Variants in NLGN4X observed in about 807,000 individuals in gnomAD.
NLGN4X encodes neuroligin-4, X-linked.
NLGN4X carries 3 observed loss-of-function variants against 40.3 expected under a neutral mutation model. That is an observed-to-expected ratio of 0.07 (90% CI 0.03 to 0.19). The LOEUF (loss-of-function observed/expected upper bound fraction) is 0.19. Among genes scored for constraint, NLGN4X ranks in the 10% least tolerant of loss-of-function variants. The pLI is 1.00. For synonymous variants in NLGN4X, 270 were observed against 306.8 expected (o/e 0.88, Z 1.25); for missense variants, 382 against 708.3 (o/e 0.54, Z 5.23).
chrX:5,953,140 G>C (rs2034372288), intron 3 of NLGN4X, among the ~76,000 whole-genome samples: 1 of 110,964 alleles, frequency 9.0e-6, no homozygotes, highest in African/African-American at 3.3e-5. Context: ...GGAGGACAAG[G>C]CAGGGGGATC....
At chrX:6,084,573 C>T (rs765513410) in intron 2 of NLGN4X, among the ~76,000 whole-genome samples, 10 of 111,552 alleles carry the variant, frequency 9.0e-5, no homozygotes, top group South Asian at 7.5e-4. Context: ...CCTTTGACCC[C>T]GATGAGGAGA....
At chrX:5,941,393 C>T (rs971212610) in intron 3 of NLGN4X, among the ~76,000 whole-genome samples, 3 of 111,373 alleles carry the variant, frequency 2.7e-5, no homozygotes, top group Non-Finnish European at 5.6e-5. Flanking sequence ...CAACTGAACT[C>T]TTCCTACGGA....
chrX:6,004,698 T>C (rs1186473186), intron 3 of NLGN4X, among the ~76,000 whole-genome samples: 1 of 112,108 alleles, frequency 8.9e-6, no homozygotes, highest in African/African-American at 3.2e-5. Context: ...GGTAGGGTTT[T>C]AGAAGCCGGA....
chrX:6,064,457 T>A (rs878948966), intron 2 of NLGN4X, among the ~76,000 whole-genome samples: 1 of 111,859 alleles, frequency 8.9e-6, no homozygotes, highest in Non-Finnish European at 1.9e-5. Context: ...AGAATTTCCA[T>A]TGTGAAAAAC....
intron 2 of NLGN4X, among the ~76,000 whole-genome samples, chrX:6,095,102 C>CAT: frequency 1.1e-5 from 1 of 88,366 alleles, no homozygotes; most frequent in East Asian, 3.9e-4. Flanking sequence ...TACGTGCGTG[C>CAT]GTGTGTGTGT....
intron 3 of NLGN4X, among the ~76,000 whole-genome samples, chrX:5,994,016 C>T (rs1013543343): frequency 3.6e-5 from 4 of 111,974 alleles, no homozygotes; most frequent in African/African-American, 9.7e-5. Context: ...CCACCAGCCA[C>T]GCAAGAAGTT....
intron 3 of NLGN4X, among the ~76,000 whole-genome samples, chrX:5,972,509 A>G (rs144855100): frequency 0.012 from 1,314 of 111,390 alleles, 19 homozygotes; most frequent in African/African-American, 0.04. Flanking sequence ...GTTGTCACTA[A>G]AAGTTCTAAA....
At chrX:6,058,476 T>C (rs1291228529) in intron 2 of NLGN4X, among the ~76,000 whole-genome samples, 2 of 112,481 alleles carry the variant, frequency 1.8e-5, no homozygotes, top group Non-Finnish European at 3.8e-5. Flanking sequence ...AAATCTTCTA[T>C]TGAGATCCTT....
intron 2 of NLGN4X, among the ~76,000 whole-genome samples, chrX:6,085,432 G>A (rs994053627): frequency 2.7e-5 from 3 of 111,768 alleles, no homozygotes; most frequent in Non-Finnish European, 5.6e-5. Context: ...AGGTGGTCGT[G>A]TAATGGAGCT....
intron 3 of NLGN4X, among the ~76,000 whole-genome samples, chrX:5,926,934 T>TA (rs1555921578): frequency 2.1e-5 from 2 of 96,869 alleles, no homozygotes; most frequent in Non-Finnish European, 4.1e-5. Flanking sequence ...TCTCTATATC[T>TA]TCTATCTATC....
At chrX:6,064,697 C>T (rs2037862341) in intron 2 of NLGN4X, among the ~76,000 whole-genome samples, 1 of 111,028 alleles carries the variant, frequency 9.0e-6, no homozygotes, top group Non-Finnish European at 1.9e-5. Context: ...ATCAGGAGAT[C>T]GAGGCAAAGT....
At chrX:5,998,729 GA>G (rs1181071667) in intron 3 of NLGN4X, among the ~76,000 whole-genome samples, 1 of 112,151 alleles carries the variant, frequency 8.9e-6, no homozygotes, top group African/African-American at 3.2e-5. Flanking sequence ...AAAAAAAGAG[GA>G]AAAAAAGATC....
Position 5,891,323 on chromosome X carries a change from A to C in NLGN4X, c.*1494T>G. ...TCCTTTCTTCCCCCATTCTTCTATA[A>C]TATTCACCGTTTGGTGACCGGATAC... is the stretch of plus-strand genomic sequence containing the variant. On this transcript the variant is annotated 3_prime_UTR_variant, in exon 6 of 6. Transcript: ENST00000381095. 4.4e-6 allele frequency: 1 copy of C among 228,959 alleles called. No individual in the cohort carries two copies. Among genetic ancestry groups the C allele is most frequent in the Non-Finnish European group, 7.9e-6 (1 of 126,343 alleles). 18.9% of individuals were successfully genotyped at this position (228,959 alleles called of 1,213,427 possible). A position where few individuals can be genotyped will look rare whatever the true frequency, so the allele number is the denominator to read the frequency against.
At chrX:6,196,657 T>A (rs1923118869) in intron 1 of NLGN4X, among the ~76,000 whole-genome samples, 1 of 108,424 alleles carries the variant, frequency 9.2e-6, no homozygotes, top group South Asian at 4.1e-4. Flanking sequence ...TTCTGCCTAG[T>A]AGGAGTGTGT....
chrX:5,932,440 G>GCT (rs2033579600), intron 3 of NLGN4X, among the ~76,000 whole-genome samples: 1 of 110,443 alleles, frequency 9.1e-6, no homozygotes, highest in Non-Finnish European at 1.9e-5. Context: ...GGTACCAAAC[G>GCT]CTCTCTCTCA....
intron 5 of NLGN4X, among the ~76,000 whole-genome samples, 175 bp downstream of exon 5, chrX:5,902,902 A>G (rs550038021): frequency 8.9e-6 from 1 of 112,034 alleles, no homozygotes; most frequent in East Asian, 2.8e-4. Context: ...GTTGGGGGAG[A>G]AGCTGCCTGT....
intron 3 of NLGN4X, among the ~76,000 whole-genome samples, chrX:5,988,354 T>C (rs2035586791): frequency 8.9e-6 from 1 of 112,252 alleles, no homozygotes; most frequent in South Asian, 3.7e-4. Context: ...TCTAAGTGTC[T>C]ACACCAATTG....
At chrX:5,963,454 T>C (rs2034726660) in intron 3 of NLGN4X, among the ~76,000 whole-genome samples, 1 of 111,923 alleles carries the variant, frequency 8.9e-6, no homozygotes. Context: ...GTTGAAGGAA[T>C]GGCTTGGTTC....
At chrX:6,017,318 G>A (rs967535011) in intron 3 of NLGN4X, among the ~76,000 whole-genome samples, 3 of 111,874 alleles carry the variant, frequency 2.7e-5, no homozygotes, top group Non-Finnish European at 3.8e-5. Context: ...AAAGAAGAAA[G>A]CTACTCATTT....
Sources: allele counts gnomAD v4.1 joint callset (sites outside exome capture counted in the v4.1 genomes callset), GRCh38; gene constraint gnomAD v4.1.1; transcripts MANE v1.5; gene names NCBI Gene and HGNC (gene_info 2026-07-23, HGNC 2026-07-21).